LCP2: variants seen among roughly 807,000 people sequenced by gnomAD.
The protein encoded by LCP2 is lymphocyte cytosolic protein 2.
A neutral mutation model predicts 74.5 loss-of-function variants in LCP2; 29 were observed. The ratio of observed to expected loss-of-function variants is 0.39; its 90% CI spans 0.29 to 0.53. The LOEUF (loss-of-function observed/expected upper bound fraction) is 0.53. LCP2 is among the 20% of genes least tolerant of loss of function. The pLI, the probability that LCP2 is intolerant of heterozygous loss-of-function variation, is 0.72. For missense variants in LCP2, 604 were observed against 634.6 expected (o/e 0.95, Z 0.52); for synonymous variants, 228 against 229.5 (o/e 0.99, Z 0.06).
intron 17 of LCP2, 150 bp from the exon 18 acceptor site, chr5:170,253,363 A>C: frequency 5.8e-6 from 3 of 520,056 alleles, no homozygotes; most frequent in Non-Finnish European, 1.0e-5. Context: ...GGCTTCAAAA[A>C]TAATTTTCAT....
Position 170,248,621 on chromosome 5 carries a change from T to A in LCP2, c.*76A>T. On this transcript the variant is annotated 3_prime_UTR_variant, in exon 21 of 21. Transcript: ENST00000046794. ...GGTTCAGTTCAGTCCTAAGTGTTTG[T>A]CCATTGACCAAGGCTGATTGATCTC... 6.5e-7 allele frequency: 1 copy of A among 1,537,250 alleles called. No individual in the cohort carries two copies. The highest frequency in any genetic ancestry group is 8.9e-7 in the Non-Finnish European group (1 of 1,119,392).
rs150577805 is a variant in LCP2 at position 170,261,407 on chromosome 5, G to GTGTGTGTGTATA, written c.927-271_927-270insTATACACACACA. ...AATAATTATGTGTGTGTGTGTGTGT[G>GTGTGTGTGTATA]TATATATATATATATACACACTCTA... On this transcript the variant is annotated intron_variant, in intron 13 of 20. Transcript: ENST00000046794. Among the ~76,000 whole-genome samples the GTGTGTGTGTATA allele has an allele frequency of 1.6e-4, 24 of 146,326 alleles. No individual in the cohort carries two copies. The South Asian group carries it at 2.8e-3, about 17-fold the overall frequency.
intron 2 of LCP2, among the ~76,000 whole-genome samples, chr5:170,289,086 AG>A (rs1386750862): frequency 7.9e-5 from 12 of 152,216 alleles, no homozygotes. Flanking sequence ...TGTGTCATTT[AG>A]GGCATGCACT....
chr5:170,266,565 C>T (rs747647689), intron 10 of LCP2, among the ~76,000 whole-genome samples: 2 of 152,214 alleles, frequency 1.3e-5, no homozygotes, highest in South Asian at 2.1e-4. Flanking sequence ...CAAGCAGGAG[C>T]TTTCTAATGA....
chr5:170,290,627 T>A (rs1762272208), intron 2 of LCP2, among the ~76,000 whole-genome samples: 1 of 152,190 alleles, frequency 6.6e-6, no homozygotes. Flanking sequence ...AACTGACAAC[T>A]GTTAGGACAG....
At chr5:170,289,621 C>CTT (rs1561978293) in intron 2 of LCP2, among the ~76,000 whole-genome samples, 2 of 75,934 alleles carry the variant, frequency 2.6e-5, no homozygotes, top group East Asian at 3.9e-4. Flanking sequence ...CTTTCTTTTT[C>CTT]TTTCTTTCTT....
chr5:170,287,388 C>A (rs930028413), intron 3 of LCP2, among the ~76,000 whole-genome samples: 1 of 152,144 alleles, frequency 6.6e-6, no homozygotes, highest in African/African-American at 2.4e-5. Flanking sequence ...GTGTGTGAGA[C>A]CTTTACTAGA....
chr5:170,296,583 C>A (rs1290847804), intron 1 of LCP2, among the ~76,000 whole-genome samples: 1 of 152,204 alleles, frequency 6.6e-6, no homozygotes, highest in African/African-American at 2.4e-5. Flanking sequence ...CCGATGCCAG[C>A]CTGCAGGGAT....
intron 3 of LCP2, among the ~76,000 whole-genome samples, chr5:170,283,801 A>G (rs1289335680): frequency 6.6e-6 from 1 of 152,106 alleles, no homozygotes; most frequent in Admixed American, 6.5e-5. Flanking sequence ...GTGCCTCTGT[A>G]ATATGTTCCC....
In LCP2 at chr5:170,256,302, G is replaced by A. The variant is rs1284430432; in HGVS notation, c.1150+224C>T. 1.3e-5 allele frequency among the ~76,000 whole-genome samples: 2 copies of A among 152,136 alleles called. No individual in the cohort carries two copies. The highest frequency in any genetic ancestry group is 2.9e-5 in the Non-Finnish European group (2 of 68,018). On this transcript the variant is annotated intron_variant, in intron 17 of 20. Transcript: ENST00000046794. The surrounding 1 kb of genome is among the most constrained non-coding windows in gnomAD (Gnocchi z 4.5). ...CATGTATATGTGCATGTGTGTATGG[G>A]CATGTATATGTATACGTGTGTGTGT...
intron 3 of LCP2, among the ~76,000 whole-genome samples, chr5:170,282,883 A>G (rs566649781): frequency 2.0e-5 from 3 of 152,136 alleles, no homozygotes; most frequent in South Asian, 2.1e-4. Flanking sequence ...CTGTCTGCCT[A>G]TTTATACCCC....
rs773552930 is a variant in LCP2 at position 170,268,397 on chromosome 5, G to A, written c.609C>T (p.Gly203=). 6.6e-6 allele frequency: 5 copies of A among 758,636 alleles called. No homozygotes were observed. In the African/African-American group the frequency reaches 9.3e-5, roughly 14 times the overall value. The allele number at this position is 758,636 out of a possible 1,614,324, so 47.0% of individuals were successfully genotyped here. The change falls in exon 8 of 21, where the codon GGC becomes GGT. Residue 203 remains glycine (G), a synonymous_variant. Transcript: ENST00000046794. ...PMAALPPPPA[G]RNHSPLPPPQ... ...GGAGGAGGCCTACCGAGTGATTCCG[G>A]CCGGCTGGTGGGGGCGGGAGGGCGG...
rs370045034 is a variant in LCP2, at chr5:170,266,864, G to C, written c.716C>G (p.Thr239Arg). Residue 239 changes from threonine (T) to arginine (R), a missense_variant, in exon 10 of 21, where the codon ACG becomes AGG. By Grantham distance (71) the Thr-to-Arg change is moderately conservative. Transcript: ENST00000046794. Reference sequence around the variant, plus strand: ...TAATGAACGATCTAGGGGAGGTTTCGTGCTTCTGTCTATTGAAGGAGCAGG... The same window carrying C: ...TAATGAACGATCTAGGGGAGGTTTCCTGCTTCTGTCTATTGAAGGAGCAGG... ...KLPAPSIDRS[T>R]KPPLDRSLAP... 13 of 1,613,772 alleles carry C rather than the reference G, an allele frequency of 8.1e-6. No homozygotes were observed. The highest frequency in any genetic ancestry group is 1.0e-5 in the Non-Finnish European group (12 of 1,179,824).
At position 170,297,592 on chromosome 5, in the gene LCP2, G is replaced by A. The variant is rs756331541; in HGVS notation, c.20C>T (p.Pro7Leu). 1 of 1,612,334 alleles carries A rather than the reference G, an allele frequency of 6.2e-7. No homozygotes were observed. Among genetic ancestry groups the A allele is most frequent in the Non-Finnish European group, 8.5e-7 (1 of 1,179,224 alleles). Reference protein sequence around the residue: MALRNVPFRSEVLGWDP... With the variant: MALRNVLFRSEVLGWDP... ...CCAGCCCAGGACCTCTGAGCGAAAG[G>A]GCACATTCCTCAGTGCCATGGCTGC... Residue 7 changes from proline (P) to leucine (L), a missense_variant, in exon 1 of 21, where the codon CCC becomes CTC. Coordinates refer to ENST00000046794, the MANE Select transcript of LCP2 (RefSeq NM_005565.5).
chr5:170,266,762 A>G (rs1244003787), intron 10 of LCP2, 46 bp downstream of exon 10: 2 of 1,519,330 alleles, frequency 1.3e-6, no homozygotes, highest in African/African-American at 2.7e-5. Flanking sequence ...AGCACTTTAT[A>G]ACAGCTTATC....
chr5:170,270,473 T>G (rs1445672493), intron 7 of LCP2: 1 of 452,016 alleles, frequency 2.2e-6, no homozygotes, highest in African/African-American at 2.1e-5. Context: ...GGTTGCAGTC[T>G]TAGTAGTCCT....
Position 170,268,454 on chromosome 5 carries a change from C to A in LCP2, c.552G>T (p.Gln184His). ...IDRPPSGKTP[Q>H]QPPVPPQRPM... ...GTCTCTGGGGGGGCACAGGAGGCTG[C>A]TGGGGGGTTTTCCCAGAGGGGGGCC... is the stretch of plus-strand genomic sequence containing the variant. Residue 184 changes from glutamine (Q) to histidine (H), a missense_variant, in exon 8 of 21, where the codon CAG becomes CAT. Coordinates refer to ENST00000046794, the MANE Select transcript of LCP2 (RefSeq NM_005565.5). 3.4e-6 allele frequency: 1 copy of A among 297,904 alleles called. No individual in the cohort carries two copies. 18.5% of individuals were successfully genotyped at this position (297,904 alleles called of 1,614,324 possible).
intron 20 of LCP2, among the ~76,000 whole-genome samples, chr5:170,249,392 A>ACAT (rs747762744): frequency 1.4e-5 from 2 of 143,564 alleles, no homozygotes; most frequent in African/African-American, 5.6e-5. Context: ...CTACATATCT[A>ACAT]TATATATATA....
At position 170,262,624 on chromosome 5, in the gene LCP2, C is replaced by G. The variant is rs1401193358; in HGVS notation, c.926+11G>C. The G allele has an allele frequency of 2.5e-6, 4 of 1,597,936 alleles. No individual in the cohort carries two copies. The highest frequency in any genetic ancestry group is 3.4e-6 in the Non-Finnish European group (4 of 1,167,132). ...TGTGAGTGACAAGCTCAAGCAACAC[C>G]AGACAATTACTTTGGCACAGGTGGC... On this transcript the variant is annotated intron_variant, in intron 13 of 20. Coordinates refer to ENST00000046794, the MANE Select transcript of LCP2 (RefSeq NM_005565.5).
Sources: gnomAD v4.1 joint callset for allele counts (sites outside exome capture counted in the v4.1 genomes callset) on GRCh38, gnomAD v4.1.1 for gene constraint, Gnocchi (gnomAD v3.1) non-coding constraint, MANE v1.5 for transcripts, NCBI Gene and HGNC (gene_info 2026-07-23, HGNC 2026-07-21) for gene names.